Variants in TGIF1 observed in about 807,000 individuals in gnomAD.
The protein encoded by TGIF1 is homeobox protein TGIF1.
TGIF1 carries 4 observed loss-of-function variants against 19.3 expected under a neutral mutation model. The observed-to-expected ratio is 0.21, with a 90% CI of 0.10 to 0.47. TGIF1 has a LOEUF of 0.47. TGIF1 is among the 20% of genes least tolerant of loss of function. The probability of loss-of-function intolerance (pLI) is 0.98; values close to 1 mark genes in which losing one functional copy is unlikely to be tolerated. For synonymous variants in TGIF1, 122 were observed against 129.3 expected (o/e 0.94, Z 0.38); for missense variants, 275 against 341.4 (o/e 0.81, Z 1.53).
At chr18:3,452,024 G>A in intron 1 of TGIF1, 1 of 1,610,566 alleles carries the variant, frequency 6.2e-7, no homozygotes, top group Non-Finnish European at 8.5e-7. Context: ...TGGGCTCCCC[G>A]CATTGTTCGG....
chr18:3,439,949 A>T (rs2082661490), intron 2 of TGIF1, among the ~76,000 whole-genome samples: 1 of 151,638 alleles, frequency 6.6e-6, no homozygotes, highest in African/African-American at 2.4e-5. Context: ...TGAGCCCAGG[A>T]GGTGGAGGTT....
At chr18:3,416,346 C>T (rs994589189) in intron 1 of TGIF1, among the ~76,000 whole-genome samples, 10 of 151,990 alleles carry the variant, frequency 6.6e-5, no homozygotes, top group Non-Finnish European at 1.2e-4. Flanking sequence ...TGATGAAACT[C>T]CATCTCAGCT....
At chr18:3,441,456 C>T (rs1243629106) in intron 2 of TGIF1, among the ~76,000 whole-genome samples, 1 of 152,094 alleles carries the variant, frequency 6.6e-6, no homozygotes, top group Non-Finnish European at 1.5e-5. Flanking sequence ...GGTGTGGGGG[C>T]TGTGGTGTGC....
intron 2 of TGIF1, among the ~76,000 whole-genome samples, chr18:3,427,337 G>A (rs192526166): frequency 9.1e-4 from 138 of 151,406 alleles, no homozygotes; most frequent in African/African-American, 3.3e-3. Context: ...TGTTGCCCAG[G>A]CTAGAGTGCA....
intron 2 of TGIF1, among the ~76,000 whole-genome samples, chr18:3,433,556 A>G (rs2082578114): frequency 6.6e-6 from 1 of 152,258 alleles, no homozygotes; most frequent in Non-Finnish European, 1.5e-5. Context: ...AGAATAGTCA[A>G]ATTCATGGAG....
At chr18:3,416,836 C>T (rs2082338305) in intron 1 of TGIF1, among the ~76,000 whole-genome samples, 1 of 151,878 alleles carries the variant, frequency 6.6e-6, no homozygotes, top group Non-Finnish European at 1.5e-5. Context: ...GAGGCTGAGG[C>T]AGGAGAATCG....
rs150364699 is a variant in TGIF1 at position 3,452,186 on chromosome 18, G to A, written c.16+1681G>A. On this transcript the variant is annotated intron_variant, in intron 1 of 2. Transcript: ENST00000343820. Reference sequence around the variant, plus strand: ...CCCCAGCGCCGTGGTCCTCCCTGGCGACCCCCTCTGCGCTCCTGGGGTCCT... The same window carrying A: ...CCCCAGCGCCGTGGTCCTCCCTGGCAACCCCCTCTGCGCTCCTGGGGTCCT... 10 of 1,611,938 alleles carry A rather than the reference G, an allele frequency of 6.2e-6. No homozygotes were observed. The African/African-American group carries it at 1.2e-4, about 19-fold the overall frequency.
At chr18:3,452,552 G>A (rs1224330304) in intron 1 of TGIF1, among the ~76,000 whole-genome samples, 1 of 152,158 alleles carries the variant, frequency 6.6e-6, no homozygotes, top group African/African-American at 2.4e-5. Context: ...AGTTTCTTGG[G>A]TCCTGGAGTT....
At chr18:3,445,577 A>AGACGGGC (rs1244397663), upstream of TGIF1, among the ~76,000 whole-genome samples, 1 of 151,386 alleles carries the variant, frequency 6.6e-6, no homozygotes, top group Non-Finnish European at 1.5e-5. Context: ...ACAAAAAATT[A>AGACGGGC]GACGGGCGTG....
At chr18:3,419,368 T>C (rs746367453) in intron 2 of TGIF1, among the ~76,000 whole-genome samples, 1 of 152,186 alleles carries the variant, frequency 6.6e-6, no homozygotes, top group Non-Finnish European at 1.5e-5. Flanking sequence ...ATTCGACAGA[T>C]TTCTGGACCT....
chr18:3,445,752 A>AG (rs1555648621), upstream of TGIF1, among the ~76,000 whole-genome samples: 1,441 of 114,984 alleles, frequency 0.013, 93 homozygotes, highest in African/African-American at 0.058. Context: ...AAAAAAAAAA[A>AG]AGAGAAGAAA....
At chr18:3,440,844 C>G (rs535835075) in intron 2 of TGIF1, among the ~76,000 whole-genome samples, 1 of 152,328 alleles carries the variant, frequency 6.6e-6, no homozygotes, top group South Asian at 2.1e-4. Context: ...TCCACACTTA[C>G]ATCACTCCAA....
intron 2 of TGIF1, among the ~76,000 whole-genome samples, chr18:3,420,391 A>T (rs905674538): frequency 6.6e-6 from 1 of 152,128 alleles, no homozygotes; most frequent in Non-Finnish European, 1.5e-5. Context: ...TCAAAAAAAA[A>T]ATAATATTAA....
chr18:3,429,248 A>T (rs1035464515), intron 2 of TGIF1, among the ~76,000 whole-genome samples: 15 of 151,852 alleles, frequency 9.9e-5, no homozygotes, highest in African/African-American at 2.9e-4. Flanking sequence ...TTTTGTAGAG[A>T]CTGGAGTCTC....
intron 2 of TGIF1, among the ~76,000 whole-genome samples, chr18:3,436,598 C>T (rs1369491440): frequency 6.6e-6 from 1 of 151,776 alleles, no homozygotes; most frequent in African/African-American, 2.4e-5. Flanking sequence ...GCAGGTGGAT[C>T]ACCTGAGGTC....
In TGIF1 at chr18:3,456,377, G is replaced by A. The variant is rs1462481902; in HGVS notation, c.40G>A (p.Glu14Lys). 6.2e-7 allele frequency: 1 copy of A among 1,614,234 alleles called. No homozygotes were observed. The highest frequency in any genetic ancestry group is 8.5e-7 in the Non-Finnish European group (1 of 1,180,042). Residue 14 changes from glutamate (E) to lysine (K), a missense_variant, in exon 2 of 3, where the codon GAG (glutamate) becomes AAG (lysine). Coordinates refer to ENST00000343820, the MANE Select transcript of TGIF1 (RefSeq NM_003244.4). The surrounding 1 kb of genome is among the most constrained non-coding windows in gnomAD (Gnocchi z 4.2). ...KKGIVAASGS[E>K]TEDEDSMDIP... ...AGGTATTGTTGCAGCATCTGGCAGT[G>A]AGACTGAGGATGAGGACAGCATGGA...
chr18:3,416,572 C>T (rs188259856), intron 1 of TGIF1, among the ~76,000 whole-genome samples: 98 of 152,134 alleles, frequency 6.4e-4, no homozygotes, highest in Middle Eastern at 3.4e-3. Flanking sequence ...TCCTGTCCTG[C>T]AAGGGCTAGT....
intron 2 of TGIF1, among the ~76,000 whole-genome samples, chr18:3,421,794 C>T (rs2082402009): frequency 6.6e-6 from 1 of 151,882 alleles, no homozygotes; most frequent in Admixed American, 6.6e-5. Flanking sequence ...TCAGGCAGGT[C>T]CTTCAGGAGG....
intron 1 of TGIF1, among the ~76,000 whole-genome samples, chr18:3,415,783 C>A (rs76177077): frequency 6.6e-6 from 1 of 152,158 alleles, no homozygotes; most frequent in African/African-American, 2.4e-5. Context: ...TTGTCCCCTG[C>A]ATTGTGCTGC....
Sources: allele counts gnomAD v4.1 joint callset (sites outside exome capture counted in the v4.1 genomes callset), GRCh38; gene constraint gnomAD v4.1.1; non-coding constraint Gnocchi (gnomAD v3.1); transcripts MANE v1.5; gene names NCBI Gene and HGNC (gene_info 2026-07-23, HGNC 2026-07-21).